Variants in PRCD observed in about 807,000 individuals in gnomAD.
PRCD encodes the protein photoreceptor disk component PRCD.
In PRCD, 12 loss-of-function variants were observed where a neutral mutation model predicts 10.1. That is an observed-to-expected ratio of 1.18 (90% confidence interval 0.76 to 1.92). The LOEUF is 1.92. Ranked by LOEUF, PRCD falls within the 40% of genes most tolerant of loss-of-function variation. The pLI is 0.00. For synonymous variants in PRCD, 31 were observed against 26.2 expected (o/e 1.18, Z -0.56); for missense variants, 61 against 72.2 (o/e 0.84, Z 0.56).
In PRCD at chr17:76,528,440, C is replaced by T; in HGVS notation, n.45+607C>T. On this transcript the variant is annotated intron_variant and non_coding_transcript_variant, in intron 1 of 4. Coordinates refer to the PRCD transcript ENST00000397633. The surrounding 1 kb of genome is among the most constrained non-coding windows in gnomAD (Gnocchi z 5.8). ...CTCCAGGGGGGGACCCTGGCCGCCA[C>T]AGAGGCCTCCTTCGGGGAAGTTGAG... 3 of 828,082 alleles carry T rather than the reference C, an allele frequency of 3.6e-6. No homozygotes were observed. The highest frequency in any genetic ancestry group is 1.8e-5 in the African/African-American group (1 of 56,654). 51.3% of individuals were successfully genotyped at this position (828,082 alleles called of 1,614,324 possible). A position where few individuals can be genotyped will look rare whatever the true frequency, so the allele number is the denominator to read the frequency against.
At chr17:76,548,672 A>C (rs1284280747), downstream of PRCD, among the ~76,000 whole-genome samples, 1 of 152,254 alleles carries the variant, frequency 6.6e-6, no homozygotes, top group Non-Finnish European at 1.5e-5. Context: ...AGTAAAATGA[A>C]GGGGATGGAC....
chr17:76,529,616 C>G, intron 1 of PRCD: 1 of 985,340 alleles, frequency 1.0e-6, no homozygotes. Flanking sequence ...ACAAACTCAT[C>G]TTTGGCAGCA....
rs187473100 is a variant in PRCD at position 76,533,321 on chromosome 17, A to C, written n.45+5488A>C. Among the ~76,000 whole-genome samples the C allele has an allele frequency of 2.6e-5, 4 of 152,226 alleles. No homozygotes were observed. Among genetic ancestry groups the C allele is most frequent in the Non-Finnish European group, 4.4e-5 (3 of 68,044 alleles). ...AGGACACGTGAGGCGACGGGTCTGA[A>C]AATACATTGAATTTTCTGGAGAAGC... is the stretch of plus-strand genomic sequence containing the variant. On this transcript the variant is annotated intron_variant and non_coding_transcript_variant, in intron 1 of 4. Transcript: ENST00000397633. The surrounding 1 kb of genome is among the most constrained non-coding windows in gnomAD (Gnocchi z 4.5).
In PRCD at chr17:76,542,898, G is replaced by A. The variant is rs143108712; in HGVS notation, c.*60-131G>A. 5.5e-4 allele frequency: 323 copies of A among 591,372 alleles called. 1 individual carries two copies. Among genetic ancestry groups the A allele is most frequent in the African/African-American group, 5.3e-3 (287 of 54,632 alleles). The allele number at this position is 591,372 out of a possible 1,614,324, so 36.6% of individuals were successfully genotyped here. On this transcript the variant is annotated intron_variant, in intron 3 of 4. Transcript: ENST00000592014. ...TAGGCTTGGGGATGGCGAGGTGGTCGTGCTGGGGCATGAGGGCAGTGTCGG... is the reference window on the plus strand; with the variant it reads ...TAGGCTTGGGGATGGCGAGGTGGTCATGCTGGGGCATGAGGGCAGTGTCGG...
downstream of PRCD, chr17:76,546,922 G>A (rs940209344): frequency 2.6e-5 from 4 of 152,256 alleles, no homozygotes; most frequent in Non-Finnish European, 5.9e-5. The surrounding 1 kb of genome is among the most constrained non-coding windows in gnomAD (Gnocchi z 4.5). Context: ...GCCAGGACCT[G>A]AGCCTGGGAA....
At chr17:76,542,928 C>T (rs375471364) in intron 3 of PRCD, 101 bp from the exon 4 acceptor site, 69 of 561,172 alleles carry the variant, frequency 1.2e-4, no homozygotes, top group Non-Finnish European at 2.2e-4. Flanking sequence ...TGTCGGAGGA[C>T]GCCCAAGGGA....
upstream of PRCD, among the ~76,000 whole-genome samples, chr17:76,536,827 T>C (rs2074919053): frequency 6.6e-6 from 1 of 152,210 alleles, no homozygotes; most frequent in Admixed American, 6.5e-5. Context: ...GTGCCTGCCC[T>C]GGGCGCTCCT....
intron 3 of PRCD, among the ~76,000 whole-genome samples, 153 bp downstream of exon 3, chr17:76,542,786 T>C (rs1005153875): frequency 6.6e-6 from 1 of 152,200 alleles, no homozygotes; most frequent in African/African-American, 2.4e-5. Flanking sequence ...ACTCATGCCT[T>C]TGGCTGCTAC....
At position 76,545,142 on chromosome 17, in the gene PRCD, G is replaced by A. The variant is rs767560756; in HGVS notation, c.*1492G>A. 8 of 456,524 alleles carry A rather than the reference G, an allele frequency of 1.8e-5. No individual in the cohort carries two copies. Among genetic ancestry groups the A allele is most frequent in the South Asian group, 9.3e-5 (6 of 64,572 alleles). The allele number at this position is 456,524 out of a possible 1,614,324, so 28.3% of individuals were successfully genotyped here. On this transcript the variant is annotated 3_prime_UTR_variant, in exon 5 of 5. Transcript: ENST00000592014. ...CACCTTCCCCGCACACCCAGCCCACGCTCGCCTCTTATTCCCGGGGCCTCT... is the reference window on the plus strand; with the variant it reads ...CACCTTCCCCGCACACCCAGCCCACACTCGCCTCTTATTCCCGGGGCCTCT...
At position 76,540,645 on chromosome 17, in the gene PRCD, G is replaced by A; in HGVS notation, c.143+72G>A. ...GCTGTGGCTGTGCATGCCTGGGGGT[G>A]CACGTGTGTGCCTGTGCGCGCCTGT... On this transcript the variant is annotated intron_variant, in intron 2 of 4. Coordinates refer to ENST00000592014, the MANE Select transcript of PRCD (RefSeq NM_001077620.3). This position sits in a 1 kb window ranked among gnomAD's most constrained non-coding sequence, Gnocchi z 5.0. 1 of 1,465,410 alleles carries A rather than the reference G, an allele frequency of 6.8e-7. No homozygotes were observed. Among genetic ancestry groups the A allele is most frequent in the Non-Finnish European group, 9.5e-7 (1 of 1,050,790 alleles). The allele number at this position is 1,465,410 out of a possible 1,614,324, so 90.8% of individuals were successfully genotyped here.
chr17:76,528,049 T>C lies in PRCD; in HGVS notation n.45+216T>C, dbSNP rs2074788130. 2.7e-6 allele frequency: 1 copy of C among 371,090 alleles called. No individual in the cohort carries two copies. Among genetic ancestry groups the C allele is most frequent in the African/African-American group, 2.1e-5 (1 of 47,660 alleles). 23.0% of individuals were successfully genotyped at this position (371,090 alleles called of 1,614,324 possible). A position where few individuals can be genotyped will look rare whatever the true frequency, so the allele number is the denominator to read the frequency against. ...TCTCTGCACAACCGGAACCCCTCCC[T>C]GCCCCACTCACAGGTGGGCCAAACC... On this transcript the variant is annotated intron_variant and non_coding_transcript_variant, in intron 1 of 4. Coordinates refer to the PRCD transcript ENST00000397633. This position sits in a 1 kb window ranked among gnomAD's most constrained non-coding sequence, Gnocchi z 5.8.
Position 76,533,290 on chromosome 17 carries a change from C to A in PRCD, n.45+5457C>A, listed in dbSNP as rs768433855. Among the ~76,000 whole-genome samples the A allele has an allele frequency of 2.0e-5, 3 of 152,298 alleles. No homozygotes were observed. The highest frequency in any genetic ancestry group is 6.5e-5 in the Admixed American group (1 of 15,304). ...CCCCGCTCACTGCTTCATGGATACA[C>A]GGGTGAGGACACGTGAGGCGACGGG... On this transcript the variant is annotated intron_variant and non_coding_transcript_variant, in intron 1 of 4. Transcript: ENST00000397633. This position sits in a 1 kb window ranked among gnomAD's most constrained non-coding sequence, Gnocchi z 4.5.
At chr17:76,548,088 AAAAC>A (rs1308464636), downstream of PRCD, among the ~76,000 whole-genome samples, 3 of 150,500 alleles carry the variant, frequency 2.0e-5, no homozygotes, top group Non-Finnish European at 4.4e-5. Flanking sequence ...ACACACAAAT[AAAAC>A]AGACACACAG....
upstream of PRCD, among the ~76,000 whole-genome samples, chr17:76,536,112 T>C (rs1567908552): frequency 2.0e-5 from 3 of 152,224 alleles, no homozygotes; most frequent in Admixed American, 1.3e-4. Flanking sequence ...AATGTCCCTC[T>C]TAGCTTCCTG....
At chr17:76,552,491 A>G (rs535293982) in intron 1 of PRCD, among the ~76,000 whole-genome samples, 24 of 151,948 alleles carry the variant, frequency 1.6e-4, no homozygotes, top group African/African-American at 5.6e-4. Flanking sequence ...GAGCCACTGC[A>G]CCCAGCCTAA....
chr17:76,533,628 T>C lies in PRCD; in HGVS notation n.45+5795T>C, dbSNP rs1452928862. On this transcript the variant is annotated intron_variant and non_coding_transcript_variant, in intron 1 of 4. Coordinates refer to the PRCD transcript ENST00000397633. This position sits in a 1 kb window ranked among gnomAD's most constrained non-coding sequence, Gnocchi z 4.5. ...ATTCCAGCTACTCAGGGGCCTAAAGTGGGAGGATCACTTGAACCCGGGAGG... is the reference window on the plus strand; with the variant it reads ...ATTCCAGCTACTCAGGGGCCTAAAGCGGGAGGATCACTTGAACCCGGGAGG... Among the ~76,000 whole-genome samples the C allele has an allele frequency of 3.3e-5, 5 of 151,744 alleles. No individual in the cohort carries two copies. Among genetic ancestry groups the C allele is most frequent in the Admixed American group, 3.3e-4 (5 of 15,230 alleles).
At chr17:76,537,271 G>C (rs943801248), upstream of PRCD, 6 of 1,112,746 alleles carry the variant, frequency 5.4e-6, no homozygotes, top group Non-Finnish European at 7.1e-6. Flanking sequence ...CTGCTCCGCC[G>C]ACCTCGGACC....
upstream of PRCD, chr17:76,537,477 C>A (rs1199776421): frequency 1.3e-6 from 2 of 1,593,636 alleles, no homozygotes; most frequent in Admixed American, 3.4e-5. Flanking sequence ...CCTTCCTCTC[C>A]GCCTCGGACA....
rs753755385 is a variant in PRCD at position 76,531,553 on chromosome 17, C to G, written n.45+3720C>G. 1 of 1,614,172 alleles carries G rather than the reference C, an allele frequency of 6.2e-7. No individual in the cohort carries two copies. The highest frequency in any genetic ancestry group is 8.5e-7 in the Non-Finnish European group (1 of 1,179,988). The stretch of plus-strand genomic sequence containing the variant: ...ACACCTTGTCGGGGTCATGCAGGTT[C>G]TCCACGACAGTGTTGAGGGCCCCCA... On this transcript the variant is annotated intron_variant and non_coding_transcript_variant, in intron 1 of 4. Coordinates refer to the PRCD transcript ENST00000397633. This position sits in a 1 kb window ranked among gnomAD's most constrained non-coding sequence, Gnocchi z 7.4.
Sources: allele counts gnomAD v4.1 joint callset (sites outside exome capture counted in the v4.1 genomes callset), GRCh38; gene constraint gnomAD v4.1.1; non-coding constraint Gnocchi (gnomAD v3.1); transcripts MANE v1.5; gene names NCBI Gene and HGNC (gene_info 2026-07-23, HGNC 2026-07-21).